BTBD9: variants seen among roughly 807,000 people sequenced by gnomAD.
The protein encoded by BTBD9 is BTB domain containing 9, also known as BTB/POZ domain-containing protein 9.
BTBD9 carries 49 observed loss-of-function variants against 64.3 expected under a neutral mutation model. That is an observed-to-expected ratio of 0.76 (90% CI 0.61 to 0.97). BTBD9 has a LOEUF of 0.97. Ranked by LOEUF, BTBD9 falls within the 50% of genes least tolerant of loss-of-function variation. The pLI is 0.00. For synonymous variants in BTBD9, 260 were observed against 274.7 expected (o/e 0.95, Z 0.53); for missense variants, 598 against 762.1 (o/e 0.78, Z 2.53).
intron 9 of BTBD9, among the ~76,000 whole-genome samples, chr6:38,228,609 C>T (rs1261721430): frequency 6.6e-6 from 1 of 151,868 alleles, no homozygotes; most frequent in East Asian, 1.9e-4. Flanking sequence ...GGCACGGTGG[C>T]TCATGCCTGT....
At chr6:38,310,694 T>C (rs545712823) in intron 7 of BTBD9, among the ~76,000 whole-genome samples, 5 of 152,346 alleles carry the variant, frequency 3.3e-5, no homozygotes, top group Admixed American at 2.6e-4. Flanking sequence ...AGTAAGCATA[T>C]ATATATTTAC....
intron 6 of BTBD9, among the ~76,000 whole-genome samples, chr6:38,524,273 C>A (rs1773390223): frequency 6.6e-6 from 1 of 151,982 alleles, no homozygotes; most frequent in Non-Finnish European, 1.5e-5. Context: ...TGGTTTTTAG[C>A]TGAGTTTCCA....
intron 9 of BTBD9, among the ~76,000 whole-genome samples, chr6:38,223,656 C>A (rs1002250876): frequency 6.6e-6 from 1 of 152,138 alleles, no homozygotes; most frequent in African/African-American, 2.4e-5. Flanking sequence ...AATTTAACAT[C>A]AGTCCTCTTC....
At chr6:38,177,527 G>C (rs1392036477) in intron 10 of BTBD9, among the ~76,000 whole-genome samples, 1 of 152,206 alleles carries the variant, frequency 6.6e-6, no homozygotes, top group African/African-American at 2.4e-5. Flanking sequence ...GAGAGATAAA[G>C]TTAAAAAAGA....
chr6:38,254,442 G>A (rs572430406), intron 9 of BTBD9, among the ~76,000 whole-genome samples: 1 of 151,956 alleles, frequency 6.6e-6, no homozygotes, highest in African/African-American at 2.4e-5. Context: ...GTGAGGTGCT[G>A]TCTCTACAAA....
chr6:38,552,232 A>C (rs565425865), intron 6 of BTBD9, among the ~76,000 whole-genome samples: 1 of 152,318 alleles, frequency 6.6e-6, no homozygotes, highest in South Asian at 2.1e-4. Flanking sequence ...CAGGCCAACA[A>C]CACAGTATAG....
rs149162633 is a variant in BTBD9 at position 38,260,950 on chromosome 6, T to C, written c.1455-4434A>G. On this transcript the variant is annotated intron_variant, in intron 8 of 10. Transcript: ENST00000481247. ...ACTGTTATGAAAATTCTTTTTTTTTTCTTTGGAAACAGGGTTTTGCTTTGT... is the reference window on the plus strand; with the variant it reads ...ACTGTTATGAAAATTCTTTTTTTTTCCTTTGGAAACAGGGTTTTGCTTTGT... Among the ~76,000 whole-genome samples, 147 of 152,282 alleles carry C rather than the reference T, an allele frequency of 9.7e-4. 2 individuals carry two copies. Among genetic ancestry groups the C allele is most frequent in the African/African-American group, 3.2e-3 (131 of 41,558 alleles).
intron 6 of BTBD9, among the ~76,000 whole-genome samples, chr6:38,518,105 TC>T (rs1409687128): frequency 6.6e-6 from 1 of 152,184 alleles, no homozygotes; most frequent in Non-Finnish European, 1.5e-5. Flanking sequence ...GTAGCAAATG[TC>T]ACTAACTGAG....
chr6:38,270,645 T>C (rs1358985688), intron 8 of BTBD9, among the ~76,000 whole-genome samples: 1 of 152,096 alleles, frequency 6.6e-6, no homozygotes, highest in Non-Finnish European at 1.5e-5. Context: ...AGGATACATA[T>C]GAATAGCCTG....
intron 4 of BTBD9, chr6:38,588,430 C>A: frequency 1.2e-6 from 1 of 826,062 alleles, no homozygotes; most frequent in Non-Finnish European, 2.1e-6. Flanking sequence ...TTTTACTTCA[C>A]TTCCTGTAAG....
chr6:38,417,750 G>A (rs893905790), intron 6 of BTBD9, among the ~76,000 whole-genome samples: 2 of 148,942 alleles, frequency 1.3e-5, no homozygotes, highest in African/African-American at 5.0e-5. Context: ...TCCAGCCTAG[G>A]TGACAGAGCA....
intron 6 of BTBD9, among the ~76,000 whole-genome samples, chr6:38,565,183 T>C (rs890218662): frequency 6.6e-6 from 1 of 152,244 alleles, no homozygotes; most frequent in African/African-American, 2.4e-5. Context: ...TAATGAAAGA[T>C]ATTCTAATTC....
chr6:38,275,520 C>T (rs1765354160), intron 8 of BTBD9, among the ~76,000 whole-genome samples: 1 of 150,548 alleles, frequency 6.6e-6, no homozygotes, highest in Non-Finnish European at 1.5e-5. Context: ...AACTAAAGAG[C>T]TTCTGCACAG....
chr6:38,271,504 T>C (rs919169713), intron 8 of BTBD9, among the ~76,000 whole-genome samples: 3 of 152,188 alleles, frequency 2.0e-5, no homozygotes, highest in Admixed American at 1.3e-4. Context: ...AGGAACTGAA[T>C]GGATTAGGCA....
intron 6 of BTBD9, among the ~76,000 whole-genome samples, chr6:38,353,350 G>C (rs913502766): frequency 4.0e-5 from 6 of 151,220 alleles, no homozygotes; most frequent in Non-Finnish European, 8.8e-5. Flanking sequence ...GGATTATAGA[G>C]AGAGAAAATG....
chr6:38,253,768 G>A (rs1353309450), intron 9 of BTBD9, among the ~76,000 whole-genome samples: 1 of 152,098 alleles, frequency 6.6e-6, no homozygotes. Context: ...AAGGGTTCCA[G>A]GAGCTTGGGA....
At chr6:38,567,846 A>G (rs1381820332) in intron 6 of BTBD9, among the ~76,000 whole-genome samples, 2 of 152,224 alleles carry the variant, frequency 1.3e-5, no homozygotes, top group Non-Finnish European at 2.9e-5. Context: ...TCCTGTGGAA[A>G]AAAAATATAA....
intron 7 of BTBD9, among the ~76,000 whole-genome samples, chr6:38,310,093 C>T (rs1762773538): frequency 6.6e-6 from 1 of 152,084 alleles, no homozygotes; most frequent in Non-Finnish European, 1.5e-5. Context: ...AAAGAATCTC[C>T]GCAGATCTCA....
chr6:38,257,989 GTA>G (rs1204909468), intron 8 of BTBD9, among the ~76,000 whole-genome samples: 1 of 151,432 alleles, frequency 6.6e-6, no homozygotes, highest in African/African-American at 2.4e-5. Flanking sequence ...AAATATATAT[GTA>G]TATATATATT....
Sources: allele counts gnomAD v4.1 joint callset (sites outside exome capture counted in the v4.1 genomes callset), GRCh38; gene constraint gnomAD v4.1.1; transcripts MANE v1.5; gene names NCBI Gene and HGNC (gene_info 2026-07-23, HGNC 2026-07-21).